Variants in RBFOX1 observed in about 807,000 individuals in gnomAD.
RBFOX1 encodes RNA binding protein fox-1 homolog 1.
Under a neutral mutation model 57.7 loss-of-function variants are expected in RBFOX1, and 8 were observed. The observed-to-expected ratio is 0.14, with a 90% CI of 0.08 to 0.25. The LOEUF (loss-of-function observed/expected upper bound fraction) is 0.25, where lower values mean the gene tolerates loss of function less well. Among genes scored for constraint, RBFOX1 ranks in the 10% least tolerant of loss-of-function variants. The pLI, the probability that RBFOX1 is intolerant of heterozygous loss-of-function variation, is 1.00. For synonymous variants in RBFOX1, 326 were observed against 222.4 expected (o/e 1.47, Z -4.15); for missense variants, 611 against 548.5 (o/e 1.11, Z -1.14).
At chr16:5,624,046 A>T (rs1226429926) in intron 3 of RBFOX1, among the ~76,000 whole-genome samples, 12 of 152,250 alleles carry the variant, frequency 7.9e-5, no homozygotes, top group Non-Finnish European at 1.5e-5. Flanking sequence ...AGCAGGGCAG[A>T]TGGTGTCCAC....
chr16:5,636,355 A>T (rs1013197665), intron 3 of RBFOX1, among the ~76,000 whole-genome samples: 8 of 152,232 alleles, frequency 5.3e-5, no homozygotes, highest in African/African-American at 1.7e-4. Flanking sequence ...TCTCAAAAAA[A>T]TTAAATAAAT....
chr16:6,479,956 C>T (rs1200760746), intron 2 of RBFOX1, among the ~76,000 whole-genome samples: 1 of 149,696 alleles, frequency 6.7e-6, no homozygotes, highest in Admixed American at 6.7e-5. Context: ...GAGGCTGAGG[C>T]ACAAGAATTG....
At chr16:6,514,606 C>T (rs532298323) in intron 2 of RBFOX1, among the ~76,000 whole-genome samples, 26 of 152,300 alleles carry the variant, frequency 1.7e-4, no homozygotes, top group Non-Finnish European at 2.9e-4. Context: ...CCCCTCACCA[C>T]GCATTTGTGT....
chr16:7,432,586 C>T (rs1715779964), intron 4 of RBFOX1, among the ~76,000 whole-genome samples: 1 of 152,200 alleles, frequency 6.6e-6, no homozygotes, highest in Admixed American at 6.5e-5. Context: ...TGGTCTCTGT[C>T]ACAACTACTC....
At chr16:7,318,997 C>A (rs2096494949) in intron 4 of RBFOX1, among the ~76,000 whole-genome samples, 1 of 152,154 alleles carries the variant, frequency 6.6e-6, no homozygotes. Flanking sequence ...ATGGGATGAA[C>A]CACACTAAAA....
intron 4 of RBFOX1, among the ~76,000 whole-genome samples, chr16:7,152,935 C>T (rs1468134034): frequency 6.6e-6 from 1 of 152,178 alleles, no homozygotes; most frequent in Admixed American, 6.5e-5. Context: ...AAAATCTAGG[C>T]AAGGAGGGAA....
intron 4 of RBFOX1, among the ~76,000 whole-genome samples, chr16:7,076,590 A>C (rs74008712): frequency 0.021 from 3,130 of 152,276 alleles, 44 homozygotes; most frequent in African/African-American, 0.037. Context: ...AATTTCTTCA[A>C]ATTACTGCTT....
intron 2 of RBFOX1, among the ~76,000 whole-genome samples, chr16:6,639,728 A>G (rs1468293755): frequency 3.3e-5 from 5 of 151,892 alleles, no homozygotes; most frequent in Non-Finnish European, 7.4e-5. Flanking sequence ...TACAAAACCA[A>G]ATTAGTTGGT....
intron 1 of RBFOX1, among the ~76,000 whole-genome samples, chr16:5,415,323 C>G (rs1452068385): frequency 2.0e-5 from 3 of 152,194 alleles, no homozygotes; most frequent in South Asian, 2.1e-4. Flanking sequence ...ACGACCAGCT[C>G]TGGTGAGAAC....
intron 1 of RBFOX1, among the ~76,000 whole-genome samples, chr16:6,050,439 C>A (rs146492598): frequency 2.0e-4 from 31 of 152,204 alleles, no homozygotes; most frequent in Middle Eastern, 3.4e-3. Flanking sequence ...GTTCCTGTGT[C>A]CTTTGTATTC....
intron 2 of RBFOX1, among the ~76,000 whole-genome samples, chr16:6,557,041 ATATAC>A (rs1567672113): frequency 4.1e-5 from 6 of 145,686 alleles, no homozygotes; most frequent in African/African-American, 1.3e-4. Context: ...ATACACATAT[ATATAC>A]ATATATATAC....
intron 3 of RBFOX1, among the ~76,000 whole-genome samples, chr16:6,800,632 C>G (rs143260200): frequency 6.6e-6 from 1 of 152,028 alleles, no homozygotes; most frequent in Non-Finnish European, 1.5e-5. Context: ...TTTTTTAATT[C>G]TTTGCAATTA....
chr16:7,094,447 T>C (rs1051290467), intron 4 of RBFOX1, among the ~76,000 whole-genome samples: 2 of 152,072 alleles, frequency 1.3e-5, no homozygotes, highest in Non-Finnish European at 2.9e-5. Flanking sequence ...TGAAAATGAT[T>C]TGGAGACATG....
At chr16:5,785,208 C>A (rs1457201138) in intron 3 of RBFOX1, among the ~76,000 whole-genome samples, 1 of 152,200 alleles carries the variant, frequency 6.6e-6, no homozygotes, top group Non-Finnish European at 1.5e-5. Context: ...CCCCTGTTCT[C>A]TTCTCAGTGA....
chr16:5,906,298 A>C lies in RBFOX1; in HGVS notation c.351+38963A>C, dbSNP rs183755086. On this transcript the variant is annotated intron_variant, in intron 4 of 19. Coordinates refer to the RBFOX1 transcript ENST00000641259. ...ATGAAGTATGACTGGTTTCTTTGTA[A>C]AAAGGGGAAATTTGGACACAAACAC... Among the ~76,000 whole-genome samples the C allele has an allele frequency of 2.6e-5, 4 of 152,296 alleles. No homozygotes were observed. The East Asian group carries it at 7.7e-4, about 29-fold the overall frequency.
intron 4 of RBFOX1, among the ~76,000 whole-genome samples, chr16:7,167,425 G>A (rs1208500372): frequency 3.3e-5 from 5 of 152,066 alleles, no homozygotes; most frequent in Non-Finnish European, 7.4e-5. Flanking sequence ...AGACTCAGAG[G>A]AGAAGGCCAC....
intron 4 of RBFOX1, among the ~76,000 whole-genome samples, chr16:7,360,400 G>A (rs888951283): frequency 2.6e-5 from 4 of 152,174 alleles, no homozygotes; most frequent in Admixed American, 6.5e-5. Context: ...GTGGTCTACA[G>A]TGTGCCTGTA....
chr16:7,696,660 T>C (rs2078903914), intron 14 of RBFOX1, among the ~76,000 whole-genome samples: 1 of 152,112 alleles, frequency 6.6e-6, no homozygotes. Context: ...CTTCATGGTA[T>C]GGGAGAACAG....
chr16:5,818,140 C>G (rs998154046), intron 3 of RBFOX1, among the ~76,000 whole-genome samples: 1 of 152,162 alleles, frequency 6.6e-6, no homozygotes, highest in African/African-American at 2.4e-5. Flanking sequence ...TAGATCATCA[C>G]CATCCTTAGC....
Sources: gnomAD v4.1 joint callset for allele counts (sites outside exome capture counted in the v4.1 genomes callset) on GRCh38, gnomAD v4.1.1 for gene constraint, MANE v1.5 for transcripts, NCBI Gene and HGNC (gene_info 2026-07-23, HGNC 2026-07-21) for gene names.